Variants in MFSD6 observed in about 807,000 individuals in gnomAD.
The protein encoded by MFSD6 is major facilitator superfamily domain-containing protein 6.
MFSD6 carries 26 observed loss-of-function variants against 56.3 expected under a neutral mutation model. The observed-to-expected ratio is 0.46, with a 90% CI of 0.34 to 0.64. MFSD6 has a LOEUF of 0.64. Ranked by LOEUF, MFSD6 falls within the 30% of genes least tolerant of loss-of-function variation. MFSD6 has a pLI of 0.01. For missense variants in MFSD6, 750 were observed against 986.2 expected (o/e 0.76, Z 3.21); for synonymous variants, 331 against 366.9 (o/e 0.90, Z 1.12).
rs771385836 is a variant in MFSD6 at position 190,471,871 on chromosome 2, G to A, written c.1630+2016G>A. On this transcript the variant is annotated intron_variant, in intron 4 of 7. Coordinates refer to ENST00000392328, the MANE Select transcript of MFSD6 (RefSeq NM_017694.4). The surrounding 1 kb of genome is among the most constrained non-coding windows in gnomAD (Gnocchi z 4.7). ...GGGCAGACTGATAACTCATACGGCC[G>A]GGTACCCCTCTGAGACAAAACTTCC... Among the ~76,000 whole-genome samples, 5 of 152,166 alleles carry A rather than the reference G, an allele frequency of 3.3e-5. No individual in the cohort carries two copies. Among genetic ancestry groups the A allele is most frequent in the East Asian group, 1.9e-4 (1 of 5,186 alleles).
intron 1 of MFSD6, among the ~76,000 whole-genome samples, chr2:190,414,069 A>T (rs1690679659): frequency 6.6e-6 from 1 of 152,074 alleles, no homozygotes; most frequent in South Asian, 2.1e-4. Flanking sequence ...AGTGACATGC[A>T]TGCTGCCTAT....
intron 3 of MFSD6, among the ~76,000 whole-genome samples, chr2:190,446,285 C>T (rs1051251385): frequency 1.2e-4 from 19 of 152,068 alleles, no homozygotes; most frequent in Non-Finnish European, 1.9e-4. Flanking sequence ...ATGCTGTTTT[C>T]ACAACATAAA....
At chr2:190,483,444 G>A (rs1688815460) in intron 4 of MFSD6, among the ~76,000 whole-genome samples, 1 of 152,070 alleles carries the variant, frequency 6.6e-6, no homozygotes, top group African/African-American at 2.4e-5. Flanking sequence ...TTTGGAAAAT[G>A]AAGAAAAAAT....
chr2:190,477,365 TATAA>T, intron 4 of MFSD6: 2 of 983,322 alleles, frequency 2.0e-6, no homozygotes, highest in Non-Finnish European at 2.4e-6. Flanking sequence ...GTGCAGACTC[TATAA>T]ATAAAGATTT....
chr2:190,412,649 A>G lies in MFSD6; in HGVS notation c.-175-2643A>G. On this transcript the variant is annotated intron_variant, in intron 1 of 7. Coordinates refer to ENST00000392328, the MANE Select transcript of MFSD6 (RefSeq NM_017694.4). The surrounding 1 kb of genome is among the most constrained non-coding windows in gnomAD (Gnocchi z 4.1). ...CACCAAGAACATTTCCTTTGAGTTTATAATTCCTCCATGTTTAATTATCCA... is the reference window on the plus strand; with the variant it reads ...CACCAAGAACATTTCCTTTGAGTTTGTAATTCCTCCATGTTTAATTATCCA... The G allele has an allele frequency of 6.2e-6, 6 of 970,730 alleles. No individual in the cohort carries two copies. Among genetic ancestry groups the G allele is most frequent in the Non-Finnish European group, 7.3e-6 (6 of 816,592 alleles). The allele number at this position is 970,730 out of a possible 1,614,324, so 60.1% of individuals were successfully genotyped here. A position where few individuals can be genotyped will look rare whatever the true frequency, so the allele number is the denominator to read the frequency against.
Position 190,451,399 on chromosome 2 carries a change from A to G in MFSD6, c.1532+13838A>G, listed in dbSNP as rs1254672860. ...GTATTGTTACTAATTCATTCCTCCA[A>G]CAAGTATTTATTAAACACACTGGGT... On this transcript the variant is annotated intron_variant, in intron 3 of 7. Coordinates refer to ENST00000392328, the MANE Select transcript of MFSD6 (RefSeq NM_017694.4). The surrounding 1 kb of genome is among the most constrained non-coding windows in gnomAD (Gnocchi z 5.0). 6.6e-6 allele frequency among the ~76,000 whole-genome samples: 1 copy of G among 152,236 alleles called. No individual in the cohort carries two copies. The highest frequency in any genetic ancestry group is 1.5e-5 in the Non-Finnish European group (1 of 68,048).
In MFSD6 at chr2:190,413,717, C is replaced by T. The variant is rs1254248386; in HGVS notation, c.-175-1575C>T. Among the ~76,000 whole-genome samples the T allele has an allele frequency of 6.6e-6, 1 of 152,154 alleles. No homozygotes were observed. Among genetic ancestry groups the T allele is most frequent in the African/African-American group, 2.4e-5 (1 of 41,434 alleles). On this transcript the variant is annotated intron_variant, in intron 1 of 7. Coordinates refer to ENST00000392328, the MANE Select transcript of MFSD6 (RefSeq NM_017694.4). This position sits in a 1 kb window ranked among gnomAD's most constrained non-coding sequence, Gnocchi z 4.1. ...CGAGCCTGGACTGGTAGTTAGCAGT[C>T]TGTGTTGGTTATGTAGAGAGACCTT...
chr2:190,489,749 G>T lies in MFSD6; in HGVS notation c.1793-19G>T. 6.2e-7 allele frequency: 1 copy of T among 1,607,460 alleles called. No homozygotes were observed. Among genetic ancestry groups the T allele is most frequent in the African/African-American group, 1.3e-5 (1 of 74,912 alleles). On this transcript the variant is annotated intron_variant, in intron 5 of 7. Coordinates refer to ENST00000392328, the MANE Select transcript of MFSD6 (RefSeq NM_017694.4). The surrounding 1 kb of genome is among the most constrained non-coding windows in gnomAD (Gnocchi z 6.6). ...GCATTTCTTGGAATTACTCTATAGA[G>T]TGCTGTTTGTTTTTATAGGGGCTGC... is the stretch of plus-strand genomic sequence containing the variant.
rs1421872593 is a variant in MFSD6, at chr2:190,451,503, A to G, written c.1532+13942A>G. Among the ~76,000 whole-genome samples the G allele has an allele frequency of 6.6e-6, 1 of 152,176 alleles. No individual in the cohort carries two copies. The highest frequency in any genetic ancestry group is 1.5e-5 in the Non-Finnish European group (1 of 68,002). ...AAAGGTCAGTCCTCGTGGGACTCACATTCTACTGGGGCAGACAGTGAACAG... is the reference window on the plus strand; with the variant it reads ...AAAGGTCAGTCCTCGTGGGACTCACGTTCTACTGGGGCAGACAGTGAACAG... On this transcript the variant is annotated intron_variant, in intron 3 of 7. Transcript: ENST00000392328. This position sits in a 1 kb window ranked among gnomAD's most constrained non-coding sequence, Gnocchi z 5.0.
In MFSD6 at chr2:190,423,066, CTTTAT is replaced by C. The variant is rs548537132; in HGVS notation, c.-54+7657_-54+7661del. On this transcript the variant is annotated intron_variant, in intron 2 of 7. Coordinates refer to ENST00000392328, the MANE Select transcript of MFSD6 (RefSeq NM_017694.4). The surrounding 1 kb of genome is among the most constrained non-coding windows in gnomAD (Gnocchi z 4.3). ...AACCCCTATCCTAACTTCTTTTAAA[CTTTAT>C]TTTGAGATCATTGTGGATTCACATG... 4.6e-4 allele frequency among the ~76,000 whole-genome samples: 70 copies of C among 152,274 alleles called. 1 individual carries two copies. Among genetic ancestry groups the C allele is most frequent in the African/African-American group, 1.6e-3 (67 of 41,570 alleles).
At position 190,413,846 on chromosome 2, in the gene MFSD6, A is replaced by G. The variant is rs980149821; in HGVS notation, c.-175-1446A>G. Among the ~76,000 whole-genome samples, 1 of 152,158 alleles carries G rather than the reference A, an allele frequency of 6.6e-6. No homozygotes were observed. Among genetic ancestry groups the G allele is most frequent in the Non-Finnish European group, 1.5e-5 (1 of 68,026 alleles). On this transcript the variant is annotated intron_variant, in intron 1 of 7. Transcript: ENST00000392328. This position sits in a 1 kb window ranked among gnomAD's most constrained non-coding sequence, Gnocchi z 4.1. ...TGCTATACTGTGGGGTGAAGAGGAG[A>G]CATGGCAGTCAGGGCCCAGGATTCC... is the stretch of plus-strand genomic sequence containing the variant.
chr2:190,419,207 G>T (rs1382773929), intron 2 of MFSD6, among the ~76,000 whole-genome samples: 1 of 152,186 alleles, frequency 6.6e-6, no homozygotes, highest in Non-Finnish European at 1.5e-5. Context: ...GCTCTATCCT[G>T]GAAGAAGCTG....
At chr2:190,474,888 C>T (rs1243076241) in intron 4 of MFSD6, among the ~76,000 whole-genome samples, 1 of 152,134 alleles carries the variant, frequency 6.6e-6, no homozygotes, top group African/African-American at 2.4e-5. Flanking sequence ...GGGCTTCATC[C>T]CTGGGATGCA....
chr2:190,449,690 AATG>A (rs1353217297), intron 3 of MFSD6, among the ~76,000 whole-genome samples: 1 of 152,142 alleles, frequency 6.6e-6, no homozygotes, highest in African/African-American at 2.4e-5. Context: ...AGCCATAAAA[AATG>A]ATGAGTTCAT....
At position 190,437,204 on chromosome 2, in the gene MFSD6, G is replaced by A. The variant is rs776138868; in HGVS notation, c.1175G>A (p.Arg392His). ...ALIVATQFRF[R>H]YNHFKNDDSK... ...ATCGTTGCCACTCAGTTCCGGTTCC[G>A]CTACAACCATTTCAAAAACGATGAT... The change falls in exon 3 of 8, where the codon CGC becomes CAC. Residue 392 changes from arginine to histidine, a missense_variant. Arg to His is a conservative substitution (Grantham distance 29). Around this residue, in one of 5 missense-constraint regions of MFSD6, gnomAD observed 376 missense variants for 437.9 expected, o/e 0.86. Coordinates refer to ENST00000392328, the MANE Select transcript of MFSD6 (RefSeq NM_017694.4). This position sits in a 1 kb window ranked among gnomAD's most constrained non-coding sequence, Gnocchi z 5.9. 114 of 1,614,152 alleles carry A rather than the reference G, an allele frequency of 7.1e-5. No homozygotes were observed. In the South Asian group the frequency reaches 9.0e-4, roughly 13 times the overall value.
rs1158933762 is a variant in MFSD6 at position 190,489,912 on chromosome 2, T to C, written c.1891+46T>C. The C allele has an allele frequency of 1.2e-5, 18 of 1,496,816 alleles. No individual in the cohort carries two copies. In the South Asian group the frequency reaches 1.9e-4, roughly 16 times the overall value. 92.7% of individuals were successfully genotyped at this position (1,496,816 alleles called of 1,614,324 possible). On this transcript the variant is annotated intron_variant, in intron 6 of 7. Transcript: ENST00000392328. The surrounding 1 kb of genome is among the most constrained non-coding windows in gnomAD (Gnocchi z 6.6). The stretch of plus-strand genomic sequence containing the variant: ...TTAATATTCCTAACAGTTCAGGCCA[T>C]GGGAAGTCAACAAATGCCCCGAGAA...
rs1355514519 is a variant in MFSD6 at position 190,426,631 on chromosome 2, A to G, written c.-53-9346A>G. Among the ~76,000 whole-genome samples the G allele has an allele frequency of 6.6e-6, 1 of 152,018 alleles. No homozygotes were observed. The highest frequency in any genetic ancestry group is 1.9e-4 in the East Asian group (1 of 5,196). On this transcript the variant is annotated intron_variant, in intron 2 of 7. Coordinates refer to ENST00000392328, the MANE Select transcript of MFSD6 (RefSeq NM_017694.4). This position sits in a 1 kb window ranked among gnomAD's most constrained non-coding sequence, Gnocchi z 4.7. Reference sequence around the variant, plus strand: ...ACTTTTCAGCCCTCATCCCCCTCCCATTCTCCCCACTTTTGGAGTCCCCAG... The same window carrying G: ...ACTTTTCAGCCCTCATCCCCCTCCCGTTCTCCCCACTTTTGGAGTCCCCAG...
chr2:190,477,580 T>C (rs929422731), intron 4 of MFSD6, among the ~76,000 whole-genome samples: 3 of 152,188 alleles, frequency 2.0e-5, no homozygotes, highest in African/African-American at 7.2e-5. Context: ...AATTTAAAAA[T>C]GCATTTTCCT....
At chr2:190,422,645 C>T (rs907826056) in intron 2 of MFSD6, among the ~76,000 whole-genome samples, 3 of 152,074 alleles carry the variant, frequency 2.0e-5, no homozygotes, top group African/African-American at 7.2e-5. Context: ...ATTCGTTTGT[C>T]CCAGTGTTCT....
Sources: gnomAD v4.1 joint callset for allele counts (sites outside exome capture counted in the v4.1 genomes callset) on GRCh38, gnomAD v4.1.1 for gene constraint, gnomAD v4.1.1 regional missense constraint, Gnocchi (gnomAD v3.1) non-coding constraint, MANE v1.5 for transcripts, NCBI Gene and HGNC (gene_info 2026-07-23, HGNC 2026-07-21) for gene names.